Variants in NUP153 observed in about 807,000 individuals in gnomAD.
The protein encoded by NUP153 is nucleoporin 153.
Under a neutral mutation model 134.6 loss-of-function variants are expected in NUP153, and 27 were observed. That is an observed-to-expected ratio of 0.20 (90% CI 0.15 to 0.28). The LOEUF is 0.28. Ranked by LOEUF, NUP153 falls within the 10% of genes least tolerant of loss-of-function variation. The pLI, the probability that NUP153 is intolerant of heterozygous loss-of-function variation, is 1.00. For synonymous variants in NUP153, 640 were observed against 623.5 expected, an observed-to-expected ratio of 1.03 and a Z score of -0.40; for missense variants, 1,821 against 1,731.3, an observed-to-expected ratio of 1.05 and a Z score of -0.92.
intron 5 of NUP153, among the ~76,000 whole-genome samples, chr6:17,671,859 T>C (rs980219512): frequency 6.6e-6 from 1 of 151,944 alleles, no homozygotes; most frequent in Non-Finnish European, 1.5e-5. Flanking sequence ...AATACAAAAA[T>C]TAGTGGGGCA....
At chr6:17,641,866 GAAAAAGAA>G (rs1765861990) in intron 14 of NUP153, among the ~76,000 whole-genome samples, 69 of 151,110 alleles carry the variant, frequency 4.6e-4, no homozygotes, top group Admixed American at 4.5e-3. Flanking sequence ...AAAGAAGAAA[GAAAAAGAA>G]ACAAGATGGG....
At chr6:17,702,039 G>A (rs1770145408) in intron 1 of NUP153, among the ~76,000 whole-genome samples, 1 of 151,538 alleles carries the variant, frequency 6.6e-6, no homozygotes, top group Non-Finnish European at 1.5e-5. Context: ...AGTAGGTTCT[G>A]GTTTGCCCAT....
chr6:17,701,003 A>G (rs1331387859), intron 1 of NUP153, among the ~76,000 whole-genome samples: 1 of 151,964 alleles, frequency 6.6e-6, no homozygotes, highest in African/African-American at 2.4e-5. Context: ...AGGTGGATGG[A>G]TCACTTGAGG....
intron 1 of NUP153, among the ~76,000 whole-genome samples, chr6:17,699,320 C>T (rs1769887516): frequency 6.6e-6 from 1 of 150,998 alleles, no homozygotes; most frequent in Non-Finnish European, 1.5e-5. Flanking sequence ...CATGGTGAAA[C>T]CCCGTCCCTA....
intron 1 of NUP153, among the ~76,000 whole-genome samples, chr6:17,689,969 A>G (rs1180165614): frequency 6.6e-6 from 1 of 152,208 alleles, no homozygotes; most frequent in Non-Finnish European, 1.5e-5. Context: ...CCATAACTTT[A>G]TGAACTAATA....
intron 11 of NUP153, 131 bp from the exon 12 acceptor site, chr6:17,649,431 A>C: frequency 1.3e-6 from 1 of 773,118 alleles, no homozygotes. Flanking sequence ...TTCTTCAATC[A>C]GAAAAACTGA....
In NUP153 at chr6:17,701,841, GGGGAAAA is replaced by G. The variant is rs1255465235; in HGVS notation, c.111+4429_111+4435del. On this transcript the variant is annotated intron_variant, in intron 1 of 21. Transcript: ENST00000262077. The stretch of plus-strand genomic sequence containing the variant: ...GAGCAAGACTCTGTCTCGGGGGGGG[GGGGAAAA>G]AAGCTAAATGCAGGAACTGACTTGT... Among the ~76,000 whole-genome samples, 54 of 103,262 alleles carry G rather than the reference GGGGAAAA, an allele frequency of 5.2e-4. 8 individuals are homozygous for G. The highest frequency in any genetic ancestry group is 1.9e-3 in the African/African-American group (53 of 27,484). The allele number at this position is 103,262 out of a possible 152,430, so 67.7% of individuals were successfully genotyped here. A position where few individuals can be genotyped will look rare whatever the true frequency, so the allele number is the denominator to read the frequency against.
At chr6:17,644,049 A>C (rs1766002668) in intron 14 of NUP153, among the ~76,000 whole-genome samples, 1 of 152,150 alleles carries the variant, frequency 6.6e-6, no homozygotes, top group Non-Finnish European at 1.5e-5. Context: ...GTGTTAGCCA[A>C]TTAAAAAAAA....
chr6:17,685,493 G>A (rs1768866575), intron 2 of NUP153, among the ~76,000 whole-genome samples: 1 of 150,608 alleles, frequency 6.6e-6, no homozygotes. Context: ...AGCTTGCAAT[G>A]AGCCGAGATC....
At chr6:17,698,851 C>A (rs1481537954) in intron 1 of NUP153, among the ~76,000 whole-genome samples, 1 of 149,024 alleles carries the variant, frequency 6.7e-6, no homozygotes, top group Non-Finnish European at 1.5e-5. Context: ...CCAGCCTGGG[C>A]AACAGAGTGA....
chr6:17,695,363 G>A (rs1301969987), intron 1 of NUP153, among the ~76,000 whole-genome samples: 1 of 152,102 alleles, frequency 6.6e-6, no homozygotes, highest in Non-Finnish European at 1.5e-5. Context: ...TAATGTTTGA[G>A]AACCACTATA....
intron 9 of NUP153, 115 bp downstream of exon 9, chr6:17,665,124 C>A: frequency 3.6e-6 from 2 of 562,202 alleles, no homozygotes; most frequent in Non-Finnish European, 5.6e-6. Context: ...CACTAATTCA[C>A]AACCTTTATG....
chr6:17,677,623 A>T (rs1266920677), intron 2 of NUP153, among the ~76,000 whole-genome samples: 2 of 151,924 alleles, frequency 1.3e-5, no homozygotes, highest in African/African-American at 4.8e-5. Flanking sequence ...CTGCTTTCCT[A>T]CCCACCTTTC....
At chr6:17,619,581 C>T (rs998469413) in intron 20 of NUP153, 1 of 152,158 alleles carries the variant, frequency 6.6e-6, no homozygotes, top group African/African-American at 2.4e-5. Context: ...AGAAGATTAG[C>T]ATGGCCCCCT....
At chr6:17,649,910 T>C (rs1455749447) in intron 11 of NUP153, among the ~76,000 whole-genome samples, 1 of 152,104 alleles carries the variant, frequency 6.6e-6, no homozygotes, top group Non-Finnish European at 1.5e-5. Flanking sequence ...CCCTTGCAGA[T>C]AAGGGGGTGA....
chr6:17,620,380 AC>A (rs1245611761), intron 20 of NUP153, among the ~76,000 whole-genome samples: 1 of 152,228 alleles, frequency 6.6e-6, no homozygotes, highest in Non-Finnish European at 1.5e-5. Flanking sequence ...GATGACAAGA[AC>A]ACGCATTGGG....
chr6:17,622,350 A>C (rs1019624024), intron 20 of NUP153, among the ~76,000 whole-genome samples: 5 of 152,154 alleles, frequency 3.3e-5, no homozygotes, highest in African/African-American at 1.2e-4. Flanking sequence ...CTGTAGTCCC[A>C]GTTTCTTGGC....
intron 1 of NUP153, among the ~76,000 whole-genome samples, chr6:17,705,585 TGG>T (rs200771105): frequency 2.5e-5 from 1 of 40,184 alleles, no homozygotes; most frequent in South Asian, 1.1e-3. Flanking sequence ...GTGGCGGTGT[TGG>T]GGGGGGGGAG....
intron 14 of NUP153, among the ~76,000 whole-genome samples, chr6:17,645,381 A>G (rs1219871678): frequency 1.3e-5 from 2 of 151,776 alleles, no homozygotes; most frequent in Non-Finnish European, 2.9e-5. Context: ...GTAGCCTTGA[A>G]TTCCTGGGCT....
Sources: gnomAD v4.1 joint callset for allele counts (sites outside exome capture counted in the v4.1 genomes callset) on GRCh38, gnomAD v4.1.1 for gene constraint, MANE v1.5 for transcripts, NCBI Gene and HGNC (gene_info 2026-07-23, HGNC 2026-07-21) for gene names.